The following GRIA4 variants were observed in gnomAD, a reference collection of about 807,000 sequenced individuals.
GRIA4 encodes the protein glutamate ionotropic receptor AMPA type subunit 4.
In GRIA4, 34 loss-of-function variants were observed where a neutral mutation model predicts 104.0. The ratio of observed to expected loss-of-function variants is 0.33; its 90% CI spans 0.25 to 0.44. GRIA4 has a LOEUF of 0.44. GRIA4 is among the 20% of genes least tolerant of loss of function. The pLI, the probability that GRIA4 is intolerant of heterozygous loss-of-function variation, is 1.00. For synonymous variants in GRIA4, 386 were observed against 381.9 expected (o/e 1.01, Z -0.13); for missense variants, 750 against 1,096.5 (o/e 0.68, Z 4.46).
intron 3 of GRIA4, among the ~76,000 whole-genome samples, chr11:105,731,628 A>G (rs1938594261): frequency 1.3e-5 from 2 of 152,204 alleles, no homozygotes; most frequent in African/African-American, 4.8e-5. Context: ...AACAAACCCA[A>G]ATGCTCATCA....
intron 3 of GRIA4, among the ~76,000 whole-genome samples, chr11:105,690,901 A>C (rs1187239090): frequency 6.6e-6 from 1 of 152,220 alleles, no homozygotes; most frequent in African/African-American, 2.4e-5. Flanking sequence ...CCATGAGTTA[A>C]TTGGCCAATC....
At chr11:105,645,161 G>A (rs944368191) in intron 3 of GRIA4, among the ~76,000 whole-genome samples, 2 of 152,210 alleles carry the variant, frequency 1.3e-5, no homozygotes, top group Non-Finnish European at 2.9e-5. Flanking sequence ...AAAGAGATGG[G>A]TCGGGGGAAA....
In GRIA4 at chr11:105,924,639, T is replaced by C; in HGVS notation, c.1717T>C (p.Trp573Arg). ...FLVSRFSPYE[W>R]HTEEPEDGKE... The stretch of plus-strand genomic sequence containing the variant: ...AGTTAGTAGATTTAGTCCATATGAG[T>C]GGCACACAGAAGAGCCAGAGGACGG... Residue 573 changes from tryptophan to arginine, a missense_variant, in exon 12 of 17, where the codon TGG becomes CGG. Trp to Arg is a moderately radical substitution (Grantham distance 101, BLOSUM62 -3). Coordinates refer to ENST00000282499, the MANE Select transcript of GRIA4 (RefSeq NM_000829.4). The C allele has an allele frequency of 6.2e-7, 1 of 1,613,052 alleles. No homozygotes were observed.
At chr11:105,904,543 TC>T (rs773368727) in intron 8 of GRIA4, among the ~76,000 whole-genome samples, 51 of 152,284 alleles carry the variant, frequency 3.3e-4, no homozygotes, top group Non-Finnish European at 6.3e-4. Flanking sequence ...AATGACTACC[TC>T]TGGAGATCTT....
At chr11:105,742,088 G>A (rs983393400) in intron 3 of GRIA4, among the ~76,000 whole-genome samples, 4 of 152,128 alleles carry the variant, frequency 2.6e-5, no homozygotes, top group African/African-American at 9.7e-5. Flanking sequence ...CAGTTAGTGT[G>A]TTACATGTGT....
At chr11:105,672,631 C>A (rs975344204) in intron 3 of GRIA4, among the ~76,000 whole-genome samples, 1 of 152,088 alleles carries the variant, frequency 6.6e-6, no homozygotes, top group African/African-American at 2.4e-5. Context: ...ATGTAGAGCT[C>A]AGTATTAATC....
chr11:105,752,198 G>A (rs1940038254), intron 3 of GRIA4, among the ~76,000 whole-genome samples: 1 of 152,044 alleles, frequency 6.6e-6, no homozygotes, highest in African/African-American at 2.4e-5. Flanking sequence ...CTGGGAGCAT[G>A]GACCAAGAAA....
intron 3 of GRIA4, among the ~76,000 whole-genome samples, chr11:105,639,521 A>AT (rs998433249): frequency 2.6e-5 from 4 of 151,808 alleles, no homozygotes; most frequent in Non-Finnish European, 4.4e-5. Context: ...AATTCCAAGA[A>AT]TTTTTTCTAA....
At chr11:105,796,240 G>T (rs932726307) in intron 4 of GRIA4, among the ~76,000 whole-genome samples, 1 of 152,112 alleles carries the variant, frequency 6.6e-6, no homozygotes, top group Non-Finnish European at 1.5e-5. Flanking sequence ...TGGCAAGACT[G>T]TCCAAATGTT....
chr11:105,857,043 A>G lies in GRIA4; in HGVS notation c.488-4981A>G, dbSNP rs180902094. The stretch of plus-strand genomic sequence containing the variant: ...GAACTACGGCATAAATAAATACTAT[A>G]GTTACAGCTGCAGGTAATTTTACCC... On this transcript the variant is annotated intron_variant, in intron 4 of 16. Coordinates refer to ENST00000282499, the MANE Select transcript of GRIA4 (RefSeq NM_000829.4). Among the ~76,000 whole-genome samples the G allele has an allele frequency of 3.9e-5, 6 of 152,252 alleles. No individual in the cohort carries two copies. In the East Asian group the frequency reaches 9.7e-4, roughly 25 times the overall value.
chr11:105,897,114 AG>A (rs1194164102), intron 6 of GRIA4, among the ~76,000 whole-genome samples: 1 of 152,052 alleles, frequency 6.6e-6, no homozygotes, highest in Admixed American at 6.6e-5. Context: ...TTCCTTATAG[AG>A]GTCTCTAACC....
rs1426260447 is a variant in GRIA4, at chr11:105,968,276, C to G, written c.2295-3638C>G. 3.3e-5 allele frequency among the ~76,000 whole-genome samples: 5 copies of G among 152,340 alleles called. No homozygotes were observed. In the East Asian group the frequency reaches 9.6e-4, roughly 29 times the overall value. ...TCACTTGTCATTCACAGGACTGTAA[C>G]CTCTCCAGCCTTCCATTCAGCAGCA... is the stretch of plus-strand genomic sequence containing the variant. On this transcript the variant is annotated intron_variant, in intron 14 of 16. Transcript: ENST00000282499.
intron 3 of GRIA4, among the ~76,000 whole-genome samples, chr11:105,736,156 C>G (rs969179696): frequency 1.3e-5 from 2 of 152,166 alleles, no homozygotes; most frequent in African/African-American, 4.8e-5. Context: ...TTTAATCCCT[C>G]TTGGCAACAA....
intron 3 of GRIA4, among the ~76,000 whole-genome samples, chr11:105,739,482 T>C (rs1939176941): frequency 6.6e-6 from 1 of 152,218 alleles, no homozygotes; most frequent in South Asian, 2.1e-4. Context: ...TTAATTGATA[T>C]ATAATTAAAG....
At chr11:105,862,299 C>T (rs1945256150) in intron 5 of GRIA4, 91 bp downstream of exon 5, 2 of 706,342 alleles carry the variant, frequency 2.8e-6, no homozygotes, top group Non-Finnish European at 4.8e-6. Context: ...CTTCTCCCAG[C>T]TTTTAATTTG....
chr11:105,811,935 C>T (rs1943187544), intron 4 of GRIA4, among the ~76,000 whole-genome samples: 1 of 152,166 alleles, frequency 6.6e-6, no homozygotes, highest in Non-Finnish European at 1.5e-5. Flanking sequence ...TCTGTTCCTA[C>T]CCCTGAGTTT....
chr11:105,630,876 G>C (rs1313999042), intron 3 of GRIA4, among the ~76,000 whole-genome samples: 2 of 152,126 alleles, frequency 1.3e-5, no homozygotes, highest in African/African-American at 2.4e-5. Flanking sequence ...TCAAGTGAAA[G>C]GGACAGTCAT....
intron 5 of GRIA4, among the ~76,000 whole-genome samples, chr11:105,886,705 C>A (rs1017570143): frequency 6.6e-6 from 1 of 151,994 alleles, no homozygotes; most frequent in Non-Finnish European, 1.5e-5. Flanking sequence ...TTATCATTGA[C>A]GACACCAGTG....
chr11:105,679,513 G>A (rs187410211), intron 3 of GRIA4, among the ~76,000 whole-genome samples: 14 of 152,108 alleles, frequency 9.2e-5, no homozygotes, highest in Admixed American at 3.3e-4. Flanking sequence ...ATTATTCTGC[G>A]TACAATTGAG....
Sources: gnomAD v4.1 joint callset for allele counts (sites outside exome capture counted in the v4.1 genomes callset) on GRCh38, gnomAD v4.1.1 for gene constraint, MANE v1.5 for transcripts, NCBI Gene and HGNC (gene_info 2026-07-23, HGNC 2026-07-21) for gene names.